The following GFRAL variants were observed in gnomAD, a reference collection of about 807,000 sequenced individuals.
GFRAL encodes GDNF family receptor alpha like.
Under a neutral mutation model 45.4 loss-of-function variants are expected in GFRAL, and 36 were observed. The ratio of observed to expected loss-of-function variants is 0.79; its 90% CI spans 0.61 to 1.05. The LOEUF (loss-of-function observed/expected upper bound fraction) is 1.05, where lower values mean the gene tolerates loss of function less well. Among genes scored for constraint, GFRAL ranks in the 50% least tolerant of loss-of-function variants. The pLI is 0.00. For missense variants in GFRAL, 507 were observed against 467.5 expected (o/e 1.08, Z -0.78); for synonymous variants, 166 against 154.1 (o/e 1.08, Z -0.57).
At chr6:55,395,523 C>T (rs1768813407) in intron 6 of GFRAL, among the ~76,000 whole-genome samples, 1 of 151,584 alleles carries the variant, frequency 6.6e-6, no homozygotes, top group Admixed American at 6.6e-5. Context: ...ATTCTAGATA[C>T]AGGCATTTTT....
intron 6 of GFRAL, among the ~76,000 whole-genome samples, chr6:55,370,462 T>G (rs1768435894): frequency 6.6e-6 from 1 of 152,250 alleles, no homozygotes; most frequent in Non-Finnish European, 1.5e-5. Context: ...TATTTTTTAC[T>G]GCTATGTAAT....
At chr6:55,359,190 T>TATCTATCTATCTATCTATC (rs774180465) in intron 6 of GFRAL, 52 bp downstream of exon 6, 170 of 1,121,616 alleles carry the variant, frequency 1.5e-4, no homozygotes, top group Admixed American at 1.0e-3. Flanking sequence ...ATCTATCATC[T>TATCTATCTATCTATCTATC]ATCTATCTAT....
At chr6:55,347,876 C>T (rs1280783907) in intron 3 of GFRAL, among the ~76,000 whole-genome samples, 1 of 152,098 alleles carries the variant, frequency 6.6e-6, no homozygotes, top group African/African-American at 2.4e-5. Context: ...AAAAAGAAAT[C>T]TCTGTTGCAT....
intron 5 of GFRAL, among the ~76,000 whole-genome samples, chr6:55,357,416 C>CT (rs1194644933): frequency 6.8e-6 from 1 of 147,732 alleles, no homozygotes; most frequent in Non-Finnish European, 1.5e-5. Context: ...ATTATATAAT[C>CT]ACCTTCTTTA....
rs533224057 is a variant in GFRAL at position 55,367,686 on chromosome 6, C to T, written c.952+8548C>T. Among the ~76,000 whole-genome samples, 12 of 148,556 alleles carry T rather than the reference C, an allele frequency of 8.1e-5. No homozygotes were observed. In the South Asian group the frequency reaches 2.6e-3, roughly 32 times the overall value. On this transcript the variant is annotated intron_variant, in intron 6 of 8. Transcript: ENST00000340465. ...TGCTTGTCTGTAAAGTATTTTATTTCTTCTTCACTTATGAAGCTTAGTTTG... is the reference window on the plus strand; with the variant it reads ...TGCTTGTCTGTAAAGTATTTTATTTTTTCTTCACTTATGAAGCTTAGTTTG...
intron 5 of GFRAL, among the ~76,000 whole-genome samples, chr6:55,352,796 C>T (rs889864553): frequency 1.3e-5 from 2 of 152,016 alleles, no homozygotes. Context: ...TTTCTAACCT[C>T]ACACCTTTAA....
intron 3 of GFRAL, among the ~76,000 whole-genome samples, chr6:55,341,858 G>A (rs907134338): frequency 1.3e-5 from 2 of 152,156 alleles, no homozygotes; most frequent in African/African-American, 4.8e-5. Context: ...ACCATGGCAC[G>A]AGAACTACAT....
At chr6:55,328,622 T>C (rs1767794529) in intron 1 of GFRAL, among the ~76,000 whole-genome samples, 1 of 151,862 alleles carries the variant, frequency 6.6e-6, no homozygotes, top group African/African-American at 2.4e-5. Context: ...TCTTTAGTTC[T>C]TTTTTGTGAT....
intron 3 of GFRAL, among the ~76,000 whole-genome samples, chr6:55,348,965 AG>A (rs1393387689): frequency 1.3e-5 from 2 of 152,076 alleles, no homozygotes; most frequent in African/African-American, 2.4e-5. Context: ...CTGTTACAAA[AG>A]CTATATGACT....
intron 5 of GFRAL, among the ~76,000 whole-genome samples, chr6:55,356,403 T>C (rs1768195164): frequency 1.3e-5 from 2 of 151,962 alleles, no homozygotes; most frequent in African/African-American, 4.8e-5. Flanking sequence ...ATTGGTCTGT[T>C]CAGGATTTGG....
intron 5 of GFRAL, among the ~76,000 whole-genome samples, chr6:55,357,332 G>A (rs545381225): frequency 6.6e-6 from 1 of 151,870 alleles, no homozygotes; most frequent in East Asian, 1.9e-4. Context: ...TGCTTTACAT[G>A]TCTAGGTACT....
chr6:55,371,212 G>A (rs1768446040), intron 6 of GFRAL, among the ~76,000 whole-genome samples: 1 of 151,920 alleles, frequency 6.6e-6, no homozygotes, highest in Non-Finnish European at 1.5e-5. Flanking sequence ...TATTACAATT[G>A]CTATTGAAAG....
At chr6:55,401,648 T>C in intron 8 of GFRAL, 142 bp from the exon 9 acceptor site, 1 of 625,890 alleles carries the variant, frequency 1.6e-6, no homozygotes, top group South Asian at 1.9e-5. Flanking sequence ...ATATGATATT[T>C]TACTATTGGG....
At chr6:55,335,252 C>T (rs923927049) in intron 3 of GFRAL, among the ~76,000 whole-genome samples, 3 of 152,054 alleles carry the variant, frequency 2.0e-5, no homozygotes, top group African/African-American at 4.8e-5. Flanking sequence ...TGTTGTGTGC[C>T]ATCTATCTGT....
chr6:55,331,722 G>C lies in GFRAL; in HGVS notation c.30G>C (p.Gly10=). ...TTGTTGTTGTTATTCAAGCTATGGG[G>C]TTAAGCTTGGAAAATGAATACACTT... The part of the protein sequence containing the change: MIVFIFLAM[G]LSLENEYTSQ... The change falls in exon 2 of 9, where the codon GGG becomes GGC. Residue 10 remains glycine, a synonymous_variant. Transcript: ENST00000340465. The C allele has an allele frequency of 6.2e-7, 1 of 1,607,768 alleles. No homozygotes were observed. Among genetic ancestry groups the C allele is most frequent in the Non-Finnish European group, 8.5e-7 (1 of 1,178,024 alleles).
At chr6:55,337,543 T>C (rs1767908419) in intron 3 of GFRAL, among the ~76,000 whole-genome samples, 1 of 152,214 alleles carries the variant, frequency 6.6e-6, no homozygotes, top group Admixed American at 6.5e-5. Flanking sequence ...CCATGCTTCA[T>C]TAAAAAGATT....
At chr6:55,361,448 T>C (rs1768273952) in intron 6 of GFRAL, among the ~76,000 whole-genome samples, 1 of 152,104 alleles carries the variant, frequency 6.6e-6, no homozygotes, top group Non-Finnish European at 1.5e-5. Flanking sequence ...GATTTACATA[T>C]AAATGTCATG....
chr6:55,380,227 T>G (rs1489903538), intron 6 of GFRAL, among the ~76,000 whole-genome samples: 1 of 151,962 alleles, frequency 6.6e-6, no homozygotes, highest in Non-Finnish European at 1.5e-5. Flanking sequence ...CTGCCCTAAT[T>G]TATTTCCACC....
At chr6:55,335,499 GT>G (rs1299218169) in intron 3 of GFRAL, among the ~76,000 whole-genome samples, 1 of 151,992 alleles carries the variant, frequency 6.6e-6, no homozygotes, top group African/African-American at 2.4e-5. Flanking sequence ...TACTTTTGAT[GT>G]TGCATCTAAT....
Sources: gnomAD v4.1 joint callset for allele counts (sites outside exome capture counted in the v4.1 genomes callset) on GRCh38, gnomAD v4.1.1 for gene constraint, MANE v1.5 for transcripts, NCBI Gene and HGNC (gene_info 2026-07-23, HGNC 2026-07-21) for gene names.